The following OSBPL6 variants were observed in gnomAD, a reference collection of about 807,000 sequenced individuals.
The protein encoded by OSBPL6 is oxysterol binding protein like 6.
OSBPL6 carries 49 observed loss-of-function variants against 125.8 expected under a neutral mutation model. The observed-to-expected ratio is 0.39, with a 90% CI of 0.31 to 0.49. The LOEUF is 0.49. OSBPL6 is among the 20% of genes least tolerant of loss of function. The pLI is 0.88. For synonymous variants in OSBPL6, 394 were observed against 391.8 expected, an observed-to-expected ratio of 1.01 and a Z score of -0.07; for missense variants, 986 against 1,135.4, an observed-to-expected ratio of 0.87 and a Z score of 1.89.
chr2:178,383,448 C>T (rs1343313078), intron 17 of OSBPL6, among the ~76,000 whole-genome samples, 171 bp downstream of exon 17: 1 of 152,190 alleles, frequency 6.6e-6, no homozygotes, highest in Non-Finnish European at 1.5e-5. Flanking sequence ...CTCCCAGATA[C>T]CAACACAGGA....
intron 14 of OSBPL6, 50 bp from the exon 15 acceptor site, chr2:178,373,840 A>G (rs753503694): frequency 6.2e-6 from 10 of 1,603,952 alleles, no homozygotes; most frequent in East Asian, 2.2e-5. Context: ...AGGAATAGCT[A>G]TTCTAACAGG....
rs994716297 is a variant in OSBPL6 at position 178,402,731 on chromosome 2, G to T, written c.*7172G>T. ...TCAAGCAACTTTCTACGAAAATACAGCTTGTGGTTAAATTTCCTAATGAAA... is the reference window on the plus strand; with the variant it reads ...TCAAGCAACTTTCTACGAAAATACATCTTGTGGTTAAATTTCCTAATGAAA... On this transcript the variant is annotated 3_prime_UTR_variant, in exon 25 of 25. Transcript: ENST00000190611. The T allele has an allele frequency of 6.6e-6, 1 of 152,172 alleles. No individual in the cohort carries two copies. Among genetic ancestry groups the T allele is most frequent in the African/African-American group, 2.4e-5 (1 of 41,434 alleles). The allele number at this position is 152,172 out of a possible 1,614,324, so 9.4% of individuals were successfully genotyped here.
chr2:178,214,953 A>C (rs542323098), intron 1 of OSBPL6, among the ~76,000 whole-genome samples: 1 of 140,284 alleles, frequency 7.1e-6, no homozygotes, highest in Admixed American at 7.0e-5. Context: ...CCATGTCTCT[A>C]AACAAACAAA....
chr2:178,368,553 C>G (rs1693069500), intron 13 of OSBPL6, among the ~76,000 whole-genome samples: 1 of 152,064 alleles, frequency 6.6e-6, no homozygotes, highest in African/African-American at 2.4e-5. Context: ...TAAGAACTAG[C>G]AAAATGCATC....
At chr2:178,318,740 G>C (rs1687981456) in intron 3 of OSBPL6, among the ~76,000 whole-genome samples, 1 of 152,196 alleles carries the variant, frequency 6.6e-6, no homozygotes, top group South Asian at 2.1e-4. Context: ...TGGTTACTGG[G>C]TTTGCTGGGT....
chr2:178,380,806 A>G (rs1476090245), intron 15 of OSBPL6, among the ~76,000 whole-genome samples: 1 of 152,218 alleles, frequency 6.6e-6, no homozygotes, highest in Non-Finnish European at 1.5e-5. Flanking sequence ...CATATAATGA[A>G]ATATGTTGCC....
intron 1 of OSBPL6, among the ~76,000 whole-genome samples, chr2:178,247,021 C>G (rs985732402): frequency 4.0e-5 from 6 of 150,442 alleles, no homozygotes; most frequent in South Asian, 4.3e-4. Context: ...TCCCCACCCC[C>G]CCATGTTATT....
At position 178,322,643 on chromosome 2, in the gene OSBPL6, A is replaced by T. The variant is rs184390816; in HGVS notation, c.103-1534A>T. 2.6e-5 allele frequency among the ~76,000 whole-genome samples: 4 copies of T among 152,072 alleles called. No homozygotes were observed. In the East Asian group the frequency reaches 7.7e-4, roughly 29 times the overall value. On this transcript the variant is annotated intron_variant, in intron 3 of 24. Transcript: ENST00000190611. ...TCTTGTACTTTATTATATTTATTTG[A>T]ATGAAGTTTTTTGTTGATATTCTAT...
chr2:178,364,891 C>T (rs541418970), intron 13 of OSBPL6, among the ~76,000 whole-genome samples: 14 of 152,224 alleles, frequency 9.2e-5, no homozygotes, highest in South Asian at 4.2e-4. Context: ...AACATTTAAA[C>T]GACAGGCTGG....
At chr2:178,276,318 C>A (rs112122845) in intron 1 of OSBPL6, among the ~76,000 whole-genome samples, 31 of 150,316 alleles carry the variant, frequency 2.1e-4, no homozygotes, top group South Asian at 1.1e-3. Context: ...GAAATGATTT[C>A]GTGAGTCACA....
rs1050376655 is a variant in OSBPL6, at chr2:178,374,039, T to A, written c.1533+12T>A. 6.2e-7 allele frequency: 1 copy of A among 1,612,390 alleles called. No individual in the cohort carries two copies. The highest frequency in any genetic ancestry group is 8.5e-7 in the Non-Finnish European group (1 of 1,179,214). ...CGTCAGAGAATGAGGTATGTATGCC[T>A]CCTTGACTTGTTGGCCTCAACATCT... is the stretch of plus-strand genomic sequence containing the variant. On this transcript the variant is annotated intron_variant, in intron 15 of 24. Transcript: ENST00000190611.
rs1696090004 is a variant in OSBPL6 at position 178,401,059 on chromosome 2, G to A, written c.*5500G>A. ...ATCATTTATTTTTTTATGTCAAAATGTCCAAGTAAATTAATGGATTAATTT... is the reference window on the plus strand; with the variant it reads ...ATCATTTATTTTTTTATGTCAAAATATCCAAGTAAATTAATGGATTAATTT... On this transcript the variant is annotated 3_prime_UTR_variant, in exon 25 of 25. Coordinates refer to ENST00000190611, the MANE Select transcript of OSBPL6 (RefSeq NM_032523.4). 1 of 152,206 alleles carries A rather than the reference G, an allele frequency of 6.6e-6. No homozygotes were observed. Among genetic ancestry groups the A allele is most frequent in the Non-Finnish European group, 1.5e-5 (1 of 68,038 alleles). 9.4% of individuals were successfully genotyped at this position (152,206 alleles called of 1,614,324 possible).
At chr2:178,262,093 T>G (rs999146764) in intron 1 of OSBPL6, among the ~76,000 whole-genome samples, 7 of 151,416 alleles carry the variant, frequency 4.6e-5, no homozygotes, top group African/African-American at 1.7e-4. Flanking sequence ...ATATGTGTCA[T>G]GCACAGAGTT....
intron 1 of OSBPL6, among the ~76,000 whole-genome samples, chr2:178,262,462 C>T (rs943958997): frequency 1.3e-5 from 2 of 152,146 alleles, no homozygotes; most frequent in Non-Finnish European, 2.9e-5. Flanking sequence ...CCAAACTCCA[C>T]TTCATTCTTA....
chr2:178,348,022 C>A (rs987734446), intron 11 of OSBPL6, among the ~76,000 whole-genome samples: 5 of 152,204 alleles, frequency 3.3e-5, no homozygotes, highest in Admixed American at 1.3e-4. Context: ...CCTTAACCTG[C>A]AGCTCAGGCC....
At chr2:178,333,182 G>C in intron 8 of OSBPL6, 141 bp downstream of exon 8, 3 of 860,020 alleles carry the variant, frequency 3.5e-6, no homozygotes, top group Non-Finnish European at 5.4e-6. Flanking sequence ...CCAGGAGTTC[G>C]AGACCAGCCT....
rs182692238 is a variant in OSBPL6 at position 178,199,369 on chromosome 2, A to C, written c.-351+4695A>C. 4.7e-3 allele frequency among the ~76,000 whole-genome samples: 721 copies of C among 152,138 alleles called. 3 individuals are homozygous for C. The highest frequency in any genetic ancestry group is 0.037 in the Middle Eastern group (11 of 294). ...TACCATTACTCTTTCTACACACTTAATATTTCTGTTAATTTGCTTCTGAGG... is the reference window on the plus strand; with the variant it reads ...TACCATTACTCTTTCTACACACTTACTATTTCTGTTAATTTGCTTCTGAGG... On this transcript the variant is annotated intron_variant, in intron 1 of 24. Coordinates refer to ENST00000190611, the MANE Select transcript of OSBPL6 (RefSeq NM_032523.4).
rs765079249 is a variant in OSBPL6, at chr2:178,384,078, A to G, written c.1915A>G (p.Thr639Ala). Residue 639 changes from threonine to alanine, a missense_variant, in exon 18 of 25, where the codon ACC becomes GCC. By Grantham distance (58) the Thr-to-Ala change is moderately conservative. This residue lies in a region of OSBPL6 where 843 missense variants were observed against 997.3 expected (regional missense o/e 0.85). Coordinates refer to ENST00000190611, the MANE Select transcript of OSBPL6 (RefSeq NM_032523.4). The stretch of plus-strand genomic sequence containing the variant: ...ATTTGCAGTTTCAGGATACTGCTCC[A>G]CCTATTTCAGAGCAGGAAGTAAGCC... ...AAFAVSGYCS[T>A]YFRAGSKPFN... The G allele has an allele frequency of 6.2e-7, 1 of 1,614,054 alleles. No homozygotes were observed. The highest frequency in any genetic ancestry group is 8.5e-7 in the Non-Finnish European group (1 of 1,179,922).
intron 2 of OSBPL6, 130 bp from the exon 3 acceptor site, chr2:178,305,900 G>A (rs1686721542): frequency 1.6e-5 from 3 of 187,238 alleles, no homozygotes. Flanking sequence ...TTAAAATCTA[G>A]AGGAAGAAGT....
Sources: allele counts gnomAD v4.1 joint callset (sites outside exome capture counted in the v4.1 genomes callset), GRCh38; gene constraint gnomAD v4.1.1; regional missense constraint gnomAD v4.1.1; transcripts MANE v1.5; gene names NCBI Gene and HGNC (gene_info 2026-07-23, HGNC 2026-07-21).